Variants in PFKFB1 observed in about 807,000 individuals in gnomAD.
The protein encoded by PFKFB1 is 6-phosphofructo-2-kinase/fructose-2,6-bisphosphatase 1.
In PFKFB1, 34 loss-of-function variants were observed where a neutral mutation model predicts 46.4. The ratio of observed to expected loss-of-function variants is 0.73; its 90% confidence interval spans 0.56 to 0.98. PFKFB1 has a LOEUF of 0.98. PFKFB1 is among the 50% of genes least tolerant of loss of function. The pLI, the probability that PFKFB1 is intolerant of heterozygous loss-of-function variation, is 0.00. For synonymous variants in PFKFB1, 119 were observed against 133.8 expected (o/e 0.89, Z 0.76); for missense variants, 393 against 376.3 (o/e 1.04, Z -0.37).
Position 54,963,294 on chromosome X carries a change from G to C in PFKFB1, c.186C>G (p.Leu62=), listed in dbSNP as rs1934374335. The change falls in exon 2 of 14, where the codon CTC becomes CTG. Residue 62 remains leucine (L), a synonymous_variant. Transcript: ENST00000375006. ...ARGKTYISTK[L]TRYLNWIGTP... ...TTCCTATCCAGTTGAGATATCGTGT[G>C]AGCTTTGTGGAGATATAGGTCTTGC... The C allele has an allele frequency of 8.3e-7, 1 of 1,206,875 alleles. No individual in the cohort carries two copies. The highest frequency in any genetic ancestry group is 1.1e-6 in the Non-Finnish European group (1 of 892,569).
upstream of PFKFB1, chrX:54,998,519 G>T: frequency 1.3e-6 from 1 of 790,435 alleles, no homozygotes; most frequent in Non-Finnish European, 1.8e-6. Flanking sequence ...AAGCCTGGAG[G>T]TGTTCGTTGG....
chrX:54,944,439 T>G (rs752129810), intron 10 of PFKFB1, among the ~76,000 whole-genome samples: 1 of 111,671 alleles, frequency 9.0e-6, no homozygotes, highest in African/African-American at 3.2e-5. Flanking sequence ...ATATTTTCAG[T>G]TTGGATTAAA....
chrX:54,962,587 A>C (rs1302847904), intron 2 of PFKFB1, among the ~76,000 whole-genome samples: 1 of 112,150 alleles, frequency 8.9e-6, no homozygotes, highest in African/African-American at 3.2e-5. Context: ...AAGAAATGGG[A>C]AAAAGAAACA....
At chrX:54,940,571 A>G (rs756083092) in intron 10 of PFKFB1, among the ~76,000 whole-genome samples, 8 of 111,903 alleles carry the variant, frequency 7.1e-5, no homozygotes, top group African/African-American at 2.6e-4. Context: ...AATGTGCAAA[A>G]ATCACAAGCA....
intron 1 of PFKFB1, among the ~76,000 whole-genome samples, chrX:54,965,827 T>C (rs1934457006): frequency 1.8e-5 from 2 of 111,402 alleles, no homozygotes; most frequent in South Asian, 3.7e-4. Context: ...TGAAGCAGTA[T>C]AGTATTATTT....
chrX:54,981,399 A>C (rs1193315980), intron 1 of PFKFB1, among the ~76,000 whole-genome samples: 1 of 112,030 alleles, frequency 8.9e-6, no homozygotes, highest in Non-Finnish European at 1.9e-5. Context: ...CAACAACAAT[A>C]ATGAAAACCA....
intron 1 of PFKFB1, among the ~76,000 whole-genome samples, chrX:54,970,565 C>A (rs1208234284): frequency 1.4e-5 from 1 of 69,380 alleles, no homozygotes; most frequent in Non-Finnish European, 2.6e-5. Flanking sequence ...CAATTTGCAC[C>A]TATGAGTGAG....
At chrX:54,977,410 A>G (rs991715003) in intron 1 of PFKFB1, among the ~76,000 whole-genome samples, 6 of 109,317 alleles carry the variant, frequency 5.5e-5, no homozygotes, top group Non-Finnish European at 9.5e-5. Context: ...ATAAATAAAT[A>G]AACAAACAAA....
At chrX:54,963,815 A>C (rs1212920955) in intron 1 of PFKFB1, among the ~76,000 whole-genome samples, 1 of 112,697 alleles carries the variant, frequency 8.9e-6, no homozygotes, top group Non-Finnish European at 1.9e-5. Context: ...AAGACTGAGA[A>C]GAATCCTGAG....
At chrX:54,939,076 A>G (rs1933514015) in intron 10 of PFKFB1, among the ~76,000 whole-genome samples, 1 of 112,254 alleles carries the variant, frequency 8.9e-6, no homozygotes, top group Non-Finnish European at 1.9e-5. Context: ...AGAAGAACTC[A>G]GGATTAAGAA....
intron 10 of PFKFB1, among the ~76,000 whole-genome samples, chrX:54,941,152 T>C (rs1933615354): frequency 8.9e-6 from 1 of 112,322 alleles, no homozygotes; most frequent in Admixed American, 9.4e-5. Context: ...AAGGCTTCCC[T>C]ATTTAATAAA....
intron 7 of PFKFB1, 53 bp from the exon 8 acceptor site, chrX:54,952,165 G>T: frequency 2.0e-6 from 2 of 1,002,098 alleles, no homozygotes; most frequent in South Asian, 3.9e-5. Flanking sequence ...ATGGTGGTAG[G>T]GTTGACCCCG....
chrX:54,994,087 C>A lies in PFKFB1; in HGVS notation c.-80G>T. The stretch of plus-strand genomic sequence containing the variant: ...CTATCTTACTAGCTGTCTTTTCTCT[C>A]GCTGTGGCCACAGCAGCAGGTGGAC... On this transcript the variant is annotated 5_prime_UTR_variant, in exon 1 of 14. Transcript: ENST00000375006. 8.7e-7 allele frequency: 1 copy of A among 1,149,012 alleles called. No individual in the cohort carries two copies. The highest frequency in any genetic ancestry group is 2.0e-5 in the South Asian group (1 of 49,460). The allele number at this position is 1,149,012 out of a possible 1,213,427, so 94.7% of individuals were successfully genotyped here.
chrX:54,974,672 C>G (rs1569547148), intron 1 of PFKFB1, among the ~76,000 whole-genome samples: 1 of 111,928 alleles, frequency 8.9e-6, no homozygotes, highest in Non-Finnish European at 1.9e-5. Flanking sequence ...AGACAACCAA[C>G]AGAGTGGGAG....
At chrX:54,964,517 T>C (rs969768350) in intron 1 of PFKFB1, among the ~76,000 whole-genome samples, 11 of 112,206 alleles carry the variant, frequency 9.8e-5, no homozygotes, top group Admixed American at 9.5e-4. Context: ...GGAATTTGTT[T>C]ATTTATTTGG....
intron 1 of PFKFB1, among the ~76,000 whole-genome samples, chrX:54,972,507 G>A (rs971504977): frequency 1.1e-4 from 12 of 111,235 alleles, no homozygotes; most frequent in Non-Finnish European, 2.3e-4. Context: ...TTTGAGATAC[G>A]TCCCACCAAT....
At chrX:54,968,935 C>G (rs1031347869) in intron 1 of PFKFB1, among the ~76,000 whole-genome samples, 1 of 111,194 alleles carries the variant, frequency 9.0e-6, no homozygotes, top group Non-Finnish European at 1.9e-5. Flanking sequence ...AAAGAAAACT[C>G]CAAGTCAATA....
chrX:54,940,556 A>C (rs1286283863), intron 10 of PFKFB1, among the ~76,000 whole-genome samples: 2 of 112,022 alleles, frequency 1.8e-5, no homozygotes, highest in African/African-American at 3.3e-5. Context: ...TCAGGATACA[A>C]AATCAATGTG....
intron 10 of PFKFB1, among the ~76,000 whole-genome samples, chrX:54,941,491 C>T (rs1442242391): frequency 8.9e-6 from 1 of 111,812 alleles, no homozygotes; most frequent in Non-Finnish European, 1.9e-5. Flanking sequence ...GCAATCTACT[C>T]ATCTGACAAA....
Sources: allele counts gnomAD v4.1 joint callset (sites outside exome capture counted in the v4.1 genomes callset), GRCh38; gene constraint gnomAD v4.1.1; transcripts MANE v1.5; gene names NCBI Gene and HGNC (gene_info 2026-07-23, HGNC 2026-07-21).